Variants in PLAG1 observed in about 807,000 individuals in gnomAD.
PLAG1 encodes the protein zinc finger protein PLAG1.
PLAG1 carries 7 observed loss-of-function variants against 35.5 expected under a neutral mutation model. That is an observed-to-expected ratio of 0.20 (90% CI 0.11 to 0.37). The LOEUF (loss-of-function observed/expected upper bound fraction) is 0.37, where lower values mean the gene tolerates loss of function less well. Among genes scored for constraint, PLAG1 ranks in the 10% least tolerant of loss-of-function variants. PLAG1 has a pLI of 1.00. For missense variants in PLAG1, 454 were observed against 602.8 expected, an observed-to-expected ratio of 0.75 and a Z score of 2.58; for synonymous variants, 229 against 225.4, an observed-to-expected ratio of 1.02 and a Z score of -0.14.
At chr8:56,204,935 A>G (rs1459977059) in intron 1 of PLAG1, among the ~76,000 whole-genome samples, 1 of 151,896 alleles carries the variant, frequency 6.6e-6, no homozygotes, top group African/African-American at 2.4e-5. Context: ...GGCAACTTCT[A>G]TCCCAGAAGA....
Position 56,182,893 on chromosome 8 carries a change from G to A in PLAG1, c.-321-3380C>T, listed in dbSNP as rs541808673. Among the ~76,000 whole-genome samples the A allele has an allele frequency of 1.8e-3, 281 of 152,140 alleles. 1 individual carries two copies. The highest frequency in any genetic ancestry group is 5.3e-3 in the Admixed American group (81 of 15,274). The stretch of plus-strand genomic sequence containing the variant: ...GGCTTTTGCCCTGGATAAGAAAAGG[G>A]GCTTCTTTATCAAACTAGACTTAGG... On this transcript the variant is annotated intron_variant, in intron 1 of 4. Transcript: ENST00000316981.
rs1454919221 is a variant in PLAG1, at chr8:56,161,895, T to G, written c.*4348A>C. On this transcript the variant is annotated 3_prime_UTR_variant, in exon 5 of 5. Coordinates refer to ENST00000316981, the MANE Select transcript of PLAG1 (RefSeq NM_002655.3). ...CCACTGAAGCTTATATAATGAAGTG[T>G]TTTATACATTAGCAATAGTTCTGTG... The G allele has an allele frequency of 8.8e-6, 2 of 227,534 alleles. No homozygotes were observed. The highest frequency in any genetic ancestry group is 4.4e-5 in the African/African-American group (2 of 44,952). The allele number at this position is 227,534 out of a possible 1,614,324, so 14.1% of individuals were successfully genotyped here.
At chr8:56,184,943 T>C (rs1016742699) in intron 1 of PLAG1, among the ~76,000 whole-genome samples, 6 of 152,024 alleles carry the variant, frequency 3.9e-5, no homozygotes, top group African/African-American at 1.4e-4. Context: ...TATGACTGTG[T>C]CTCAGAAAAA....
intron 1 of PLAG1, among the ~76,000 whole-genome samples, chr8:56,203,378 A>G (rs1812611733): frequency 6.6e-6 from 1 of 152,116 alleles, no homozygotes; most frequent in East Asian, 1.9e-4. Context: ...GATTTGGGTA[A>G]GCAAATATGA....
At chr8:56,205,068 G>T (rs1812660717) in intron 1 of PLAG1, among the ~76,000 whole-genome samples, 1 of 151,870 alleles carries the variant, frequency 6.6e-6, no homozygotes, top group Non-Finnish European at 1.5e-5. Flanking sequence ...AGCTTTGTTG[G>T]TGAAATGTTA....
At position 56,166,259 on chromosome 8, in the gene PLAG1, T is replaced by C. The variant is rs1811348446; in HGVS notation, c.1487A>G (p.His496Arg). 1 of 1,590,482 alleles carries C rather than the reference T, an allele frequency of 6.3e-7. No individual in the cohort carries two copies. Among genetic ancestry groups the C allele is most frequent in the Non-Finnish European group, 8.6e-7 (1 of 1,169,166 alleles). Residue 496 changes from histidine (H) to arginine (R), a missense_variant, in exon 5 of 5, where the codon CAT becomes CGT. His to Arg is a conservative substitution (Grantham distance 29). Coordinates refer to ENST00000316981, the MANE Select transcript of PLAG1 (RefSeq NM_002655.3). ...LSTSTTLPRF[H>R]QAFQ is the part of the protein sequence containing the mutation. Reference sequence around the variant, plus strand: ...CCCAGAATCCTACTGAAAAGCTTGATGGAAACGTGGGAGGGTGGTACTTGT... The same window carrying C: ...CCCAGAATCCTACTGAAAAGCTTGACGGAAACGTGGGAGGGTGGTACTTGT...
Position 56,166,463 on chromosome 8 carries a change from T to C in PLAG1, c.1283A>G (p.Asn428Ser), listed in dbSNP as rs1390705480. ...FSQLFNFIPL[N>S]GPPYNPLSVG... ...TGATAGAGGATTATAGGGAGGACCA[T>C]TTAAAGGTATGAAATTAAACAACTG... The change falls in exon 5 of 5, where the codon AAT becomes AGT. Residue 428 changes from asparagine (N) to serine (S), a missense_variant. By Grantham distance (46) the Asn-to-Ser change is conservative. This residue lies in a region of PLAG1 where 271 missense variants were observed against 315.6 expected (regional missense o/e 0.86). Transcript: ENST00000316981. 3 of 1,613,658 alleles carry C rather than the reference T, an allele frequency of 1.9e-6. No individual in the cohort carries two copies. Among genetic ancestry groups the C allele is most frequent in the South Asian group, 2.2e-5 (2 of 91,030 alleles).
Position 56,163,018 on chromosome 8 carries a change from C to T in PLAG1, c.*3225G>A, listed in dbSNP as rs1811251398. Reference sequence around the variant, plus strand: ...TAGGATTTTAAAATGAAAGTTTTAACAGTGATCGATAACTATAAAGGTACT... The same window carrying T: ...TAGGATTTTAAAATGAAAGTTTTAATAGTGATCGATAACTATAAAGGTACT... On this transcript the variant is annotated 3_prime_UTR_variant, in exon 5 of 5. Coordinates refer to ENST00000316981, the MANE Select transcript of PLAG1 (RefSeq NM_002655.3). 4.8e-6 allele frequency: 1 copy of T among 207,496 alleles called. No individual in the cohort carries two copies. The highest frequency in any genetic ancestry group is 5.9e-5 in the Admixed American group (1 of 16,826). The allele number at this position is 207,496 out of a possible 1,614,324, so 12.9% of individuals were successfully genotyped here.
intron 2 of PLAG1, among the ~76,000 whole-genome samples, chr8:56,172,219 A>G (rs764092169): frequency 3.9e-5 from 6 of 152,236 alleles, no homozygotes; most frequent in Non-Finnish European, 8.8e-5. Context: ...GAATTTGATG[A>G]TGTCTAAATA....
chr8:56,201,975 TG>T (rs377474067), intron 1 of PLAG1, among the ~76,000 whole-genome samples: 44 of 150,412 alleles, frequency 2.9e-4, no homozygotes, highest in African/African-American at 9.8e-4. Flanking sequence ...TTTTTTTTTT[TG>T]TTTTTACTAG....
At position 56,166,783 on chromosome 8, in the gene PLAG1, C is replaced by T; in HGVS notation, c.963G>A (p.Met321Ile). 6.2e-7 allele frequency: 1 copy of T among 1,614,016 alleles called. No homozygotes were observed. The highest frequency in any genetic ancestry group is 2.2e-5 in the East Asian group (1 of 44,868). The change falls in exon 5 of 5, where the codon ATG becomes ATA. Residue 321 changes from methionine to isoleucine, a missense_variant. Around this residue, in one of 4 missense-constraint regions of PLAG1, gnomAD observed 271 missense variants for 315.6 expected, o/e 0.86. Transcript: ENST00000316981. Reference protein sequence around the residue: ...LPLGMTCPIDMDTVHPSHHLS... With the variant: ...LPLGMTCPIDIDTVHPSHHLS... ...GGTGGTGAGAGGGATGAACAGTGTC[C>T]ATATCTATTGGGCATGTCATTCCCA...
In PLAG1 at chr8:56,166,606, A is replaced by C; in HGVS notation, c.1140T>G (p.Ser380=). ...CAATCTGAGGATCCAACCCTAGCTT[A>C]GATGATGACGATGCTTGAGAATCTT... ...SSQDSQASSS[S]KLGLDPQIGS... Residue 380 remains serine, a synonymous_variant, in exon 5 of 5, where the codon TCT becomes TCG. Transcript: ENST00000316981. The C allele has an allele frequency of 6.2e-7, 1 of 1,614,074 alleles. No homozygotes were observed. The highest frequency in any genetic ancestry group is 8.5e-7 in the Non-Finnish European group (1 of 1,179,942).
In PLAG1 at chr8:56,171,145, C is replaced by A; in HGVS notation, c.-172G>T. ...TTGATCTTAGCCAGTCCCATTGACT[C>A]TTCGTGGAAGAGAGTGGAATCCAAT... On this transcript the variant is annotated 5_prime_UTR_variant, in exon 3 of 5. Transcript: ENST00000316981. 1.0e-6 allele frequency: 1 copy of A among 983,664 alleles called. No homozygotes were observed. Among genetic ancestry groups the A allele is most frequent in the African/African-American group, 1.7e-5 (1 of 57,288 alleles). The allele number at this position is 983,664 out of a possible 1,614,324, so 60.9% of individuals were successfully genotyped here.
intron 1 of PLAG1, among the ~76,000 whole-genome samples, chr8:56,184,944 C>T (rs1467234726): frequency 6.6e-6 from 1 of 152,012 alleles, no homozygotes; most frequent in Admixed American, 6.6e-5. Flanking sequence ...ATGACTGTGT[C>T]TCAGAAAAAC....
Position 56,167,015 on chromosome 8 carries a change from T to C in PLAG1, c.731A>G (p.Lys244Arg). ...KSHNQELLKV[K>R]TEPVDFLDPF... is the part of the protein sequence containing the mutation. Reference sequence around the variant, plus strand: ...GTCAAGGAAATCCACTGGTTCTGTTTTGACCTTCAGAAGCTCTTGATTGTG... The same window carrying C: ...GTCAAGGAAATCCACTGGTTCTGTTCTGACCTTCAGAAGCTCTTGATTGTG... The change falls in exon 5 of 5, where the codon AAA becomes AGA. Residue 244 changes from lysine to arginine, a missense_variant. Lys to Arg is a conservative substitution (Grantham distance 26). Around this residue, in one of 4 missense-constraint regions of PLAG1, gnomAD observed 271 missense variants for 315.6 expected, o/e 0.86. Transcript: ENST00000316981. The surrounding 1 kb of genome is among the most constrained non-coding windows in gnomAD (Gnocchi z 5.9). 6.2e-7 allele frequency: 1 copy of C among 1,614,180 alleles called. No homozygotes were observed.
chr8:56,172,841 T>C (rs1301176888), intron 2 of PLAG1, among the ~76,000 whole-genome samples: 1 of 152,198 alleles, frequency 6.6e-6, no homozygotes, highest in Non-Finnish European at 1.5e-5. Flanking sequence ...GCCTATTTTC[T>C]CTTTTAGAGC....
rs1291935574 is a variant in PLAG1 at position 56,164,538 on chromosome 8, G to C, written c.*1705C>G. The stretch of plus-strand genomic sequence containing the variant: ...AGAAGTTTCCATATAGGGCTAATGA[G>C]TGCTCAGAAATATTTTTCTTTCTGT... On this transcript the variant is annotated 3_prime_UTR_variant, in exon 5 of 5. Transcript: ENST00000316981. 2 of 224,106 alleles carry C rather than the reference G, an allele frequency of 8.9e-6. No individual in the cohort carries two copies. Among genetic ancestry groups the C allele is most frequent in the Non-Finnish European group, 1.8e-5 (2 of 112,168 alleles). The allele number at this position is 224,106 out of a possible 1,614,324, so 13.9% of individuals were successfully genotyped here.
rs1033987349 is a variant in PLAG1 at position 56,201,390 on chromosome 8, C to A, written c.-322+9731G>T. On this transcript the variant is annotated intron_variant, in intron 1 of 4. Coordinates refer to ENST00000316981, the MANE Select transcript of PLAG1 (RefSeq NM_002655.3). ...ATTAATAAAATTACCTATTTAAGAT[C>A]CTTATTATGAGACAAAGTTTATACT... 3.9e-5 allele frequency among the ~76,000 whole-genome samples: 6 copies of A among 152,046 alleles called. 1 individual carries two copies. Among genetic ancestry groups the A allele is most frequent in the Admixed American group, 3.9e-4 (6 of 15,260 alleles).
At chr8:56,190,187 T>C (rs1343623013) in intron 1 of PLAG1, among the ~76,000 whole-genome samples, 1 of 151,926 alleles carries the variant, frequency 6.6e-6, no homozygotes, top group East Asian at 1.9e-4. Context: ...CATAACACAG[T>C]GAGTGGCAAA....
Sources: gnomAD v4.1 joint callset for allele counts (sites outside exome capture counted in the v4.1 genomes callset) on GRCh38, gnomAD v4.1.1 for gene constraint, gnomAD v4.1.1 regional missense constraint, Gnocchi (gnomAD v3.1) non-coding constraint, MANE v1.5 for transcripts, NCBI Gene and HGNC (gene_info 2026-07-23, HGNC 2026-07-21) for gene names.